Variants in AGBL4 observed in about 807,000 individuals in gnomAD.
AGBL4 encodes the protein AGBL carboxypeptidase 4, also known as cytosolic carboxypeptidase 6.
AGBL4 carries 58 observed loss-of-function variants against 66.4 expected under a neutral mutation model. The observed-to-expected ratio is 0.87, with a 90% CI of 0.71 to 1.09. AGBL4 has a LOEUF of 1.09. Among genes scored for constraint, AGBL4 ranks in the 50% least tolerant of loss-of-function variants. The pLI is 0.00. For missense variants in AGBL4, 579 were observed against 631.0 expected, an observed-to-expected ratio of 0.92 and a Z score of 0.88; for synonymous variants, 234 against 222.9, an observed-to-expected ratio of 1.05 and a Z score of -0.44.
chr1:49,559,337 A>G (rs1330477454), intron 3 of AGBL4, among the ~76,000 whole-genome samples: 1 of 152,130 alleles, frequency 6.6e-6, no homozygotes, highest in Non-Finnish European at 1.5e-5. Flanking sequence ...AGTACCCTCT[A>G]TGAGTCTGCA....
chr1:49,761,409 G>A (rs990374359), intron 2 of AGBL4, among the ~76,000 whole-genome samples: 19 of 152,046 alleles, frequency 1.2e-4, no homozygotes, highest in African/African-American at 3.6e-4. Flanking sequence ...TCAGAGCATC[G>A]GAAAAGGACT....
chr1:49,283,578 A>G (rs1347111681), intron 3 of AGBL4, among the ~76,000 whole-genome samples: 3 of 152,230 alleles, frequency 2.0e-5, no homozygotes, highest in Non-Finnish European at 4.4e-5. Context: ...TCTGAGCTAC[A>G]GAAGGAAATT....
intron 4 of AGBL4, among the ~76,000 whole-genome samples, chr1:49,092,400 T>A (rs1376177172): frequency 6.6e-6 from 1 of 152,178 alleles, no homozygotes; most frequent in Non-Finnish European, 1.5e-5. Flanking sequence ...GCCATCTCTT[T>A]ATCCAAACGT....
chr1:49,298,438 G>T (rs1316613921), intron 3 of AGBL4, among the ~76,000 whole-genome samples: 1 of 152,150 alleles, frequency 6.6e-6, no homozygotes, highest in African/African-American at 2.4e-5. Flanking sequence ...AGTCAAATTG[G>T]CAACATTCCT....
At chr1:49,540,577 A>T (rs868441138) in intron 3 of AGBL4, among the ~76,000 whole-genome samples, 2 of 152,358 alleles carry the variant, frequency 1.3e-5, no homozygotes, top group African/African-American at 4.8e-5. Context: ...GTTTGTTAAA[A>T]GCATAACCAA....
intron 3 of AGBL4, among the ~76,000 whole-genome samples, chr1:49,341,049 T>C (rs1488622509): frequency 6.6e-6 from 1 of 152,242 alleles, no homozygotes; most frequent in Non-Finnish European, 1.5e-5. Context: ...GCAAGCATTG[T>C]AGCTTAGGTG....
At chr1:49,501,718 T>A (rs192244150) in intron 3 of AGBL4, among the ~76,000 whole-genome samples, 7 of 151,970 alleles carry the variant, frequency 4.6e-5, no homozygotes, top group Admixed American at 3.3e-4. Context: ...ATTTGAGATT[T>A]TTCTTATTTT....
intron 3 of AGBL4, among the ~76,000 whole-genome samples, chr1:49,523,804 C>T (rs895145216): frequency 6.6e-6 from 1 of 152,046 alleles, no homozygotes; most frequent in Non-Finnish European, 1.5e-5. Context: ...CATGATTATC[C>T]CTGCACTCAG....
At chr1:49,564,640 GT>G (rs1274192140) in intron 3 of AGBL4, among the ~76,000 whole-genome samples, 5 of 152,236 alleles carry the variant, frequency 3.3e-5, no homozygotes, top group African/African-American at 1.2e-4. Context: ...TTAATCCTGA[GT>G]TCTAGTTTGA....
intron 5 of AGBL4, among the ~76,000 whole-genome samples, chr1:49,001,426 G>A (rs1661386502): frequency 6.6e-6 from 1 of 152,188 alleles, no homozygotes; most frequent in African/African-American, 2.4e-5. Context: ...GCAAGTTCAG[G>A]AAGTTATGAA....
At chr1:49,921,010 C>A (rs979035157) in intron 1 of AGBL4, among the ~76,000 whole-genome samples, 1 of 152,120 alleles carries the variant, frequency 6.6e-6, no homozygotes, top group Admixed American at 6.5e-5. Flanking sequence ...GAACACCGCA[C>A]GTTCTCACTC....
At chr1:49,227,419 A>C (rs987335965) in intron 4 of AGBL4, among the ~76,000 whole-genome samples, 2 of 152,030 alleles carry the variant, frequency 1.3e-5, no homozygotes, top group African/African-American at 4.8e-5. Context: ...AATGTGTCCT[A>C]ACTCATCCCT....
At chr1:49,084,949 C>G (rs994449087) in intron 4 of AGBL4, among the ~76,000 whole-genome samples, 3 of 152,056 alleles carry the variant, frequency 2.0e-5, no homozygotes, top group Admixed American at 1.3e-4. Context: ...CTATGAATTT[C>G]AAGGTGTGAT....
At chr1:48,973,466 G>T (rs777005112) in intron 5 of AGBL4, among the ~76,000 whole-genome samples, 83 of 152,072 alleles carry the variant, frequency 5.5e-4, no homozygotes, top group Admixed American at 1.1e-3. Flanking sequence ...TTACTTCTAT[G>T]AACTCTAGTA....
At chr1:49,387,672 T>C (rs978672816) in intron 3 of AGBL4, among the ~76,000 whole-genome samples, 1 of 152,094 alleles carries the variant, frequency 6.6e-6, no homozygotes, top group Non-Finnish European at 1.5e-5. Context: ...GTTTTTGCTA[T>C]TATGTTTCTA....
chr1:49,035,773 T>A (rs1246010135), intron 5 of AGBL4, among the ~76,000 whole-genome samples: 1 of 152,082 alleles, frequency 6.6e-6, no homozygotes, highest in Non-Finnish European at 1.5e-5. Flanking sequence ...TCTCCTGCCC[T>A]GCTCATGCCT....
At chr1:49,998,568 C>T (rs138839620) in intron 1 of AGBL4, among the ~76,000 whole-genome samples, 6 of 152,122 alleles carry the variant, frequency 3.9e-5, no homozygotes, top group African/African-American at 1.4e-4. Flanking sequence ...AAAGAGGTAA[C>T]CCTCCCTAAA....
intron 1 of AGBL4, among the ~76,000 whole-genome samples, chr1:49,880,761 T>G (rs369158122): frequency 6.6e-6 from 1 of 151,974 alleles, no homozygotes. Flanking sequence ...CCCCCAGCCT[T>G]GCTGCCGCCT....
intron 5 of AGBL4, among the ~76,000 whole-genome samples, chr1:49,016,869 A>G (rs1010311499): frequency 6.6e-6 from 1 of 152,218 alleles, no homozygotes; most frequent in Non-Finnish European, 1.5e-5. Flanking sequence ...TTGAGACCAC[A>G]CATGGACTCA....
Sources: allele counts gnomAD v4.1 joint callset (sites outside exome capture counted in the v4.1 genomes callset), GRCh38; gene constraint gnomAD v4.1.1; transcripts MANE v1.5; gene names NCBI Gene and HGNC (gene_info 2026-07-23, HGNC 2026-07-21).